Variants in BNIP2 observed in about 807,000 individuals in gnomAD.
BNIP2 encodes the protein BCL2/adenovirus E1B 19 kDa protein-interacting protein 2.
A neutral mutation model predicts 43.4 loss-of-function variants in BNIP2; 36 were observed. The observed-to-expected ratio is 0.83, with a 90% confidence interval of 0.64 to 1.10. The LOEUF (loss-of-function observed/expected upper bound fraction) is 1.10, where lower values mean the gene tolerates loss of function less well. Ranked by LOEUF, BNIP2 falls within the 50% of genes least tolerant of loss-of-function variation. The pLI is 0.00. For missense variants in BNIP2, 417 were observed against 374.1 expected, an observed-to-expected ratio of 1.11 and a Z score of -0.95; for synonymous variants, 146 against 121.0, an observed-to-expected ratio of 1.21 and a Z score of -1.35.
chr15:59,677,270 G>C, intron 5 of BNIP2: 1 of 1,594,226 alleles, frequency 6.3e-7, no homozygotes, highest in Non-Finnish European at 8.6e-7. Context: ...AAGTATACAG[G>C]AGCTGCCAGG....
intron 5 of BNIP2, chr15:59,677,310 A>G: frequency 6.3e-7 from 1 of 1,575,420 alleles, no homozygotes; most frequent in East Asian, 2.3e-5. Flanking sequence ...AGCCACATCA[A>G]CAAGCCCATG....
At position 59,660,955 on chromosome 15, in the gene BNIP2, A is replaced by G. The variant is rs558314161; in HGVS notation, c.*3114T>C. The stretch of plus-strand genomic sequence containing the variant: ...TTTCCCCCTTCAATCCACAGTCTTT[A>G]TTCACATACCTTGCGTATAGCCTGC... On this transcript the variant is annotated 3_prime_UTR_variant, in exon 10 of 10. Coordinates refer to ENST00000607373, the MANE Select transcript of BNIP2 (RefSeq NM_004330.4). The G allele has an allele frequency of 2.6e-5, 4 of 152,322 alleles. No homozygotes were observed. The South Asian group carries it at 8.3e-4, about 32-fold the overall frequency. The allele number at this position is 152,322 out of a possible 1,614,324, so 9.4% of individuals were successfully genotyped here.
intron 5 of BNIP2, among the ~76,000 whole-genome samples, chr15:59,673,543 T>C (rs1893071355): frequency 6.6e-6 from 1 of 152,174 alleles, no homozygotes; most frequent in African/African-American, 2.4e-5. Context: ...TCCCACCTCA[T>C]AGCCTCCAGA....
At position 59,680,232 on chromosome 15, in the gene BNIP2, A is replaced by G; in HGVS notation, c.118+9T>C. On this transcript the variant is annotated intron_variant, in intron 3 of 9. Transcript: ENST00000607373. ...ATAATTTCAATGAAAGTAAGTGTCA[A>G]GCTCTTACCAGGCTGGTCCTCTGGT... 1 of 1,562,154 alleles carries G rather than the reference A, an allele frequency of 6.4e-7. No individual in the cohort carries two copies. Among genetic ancestry groups the G allele is most frequent in the African/African-American group, 1.4e-5 (1 of 73,674 alleles).
At chr15:59,688,671 T>A (rs775642194) in intron 1 of BNIP2, 1 of 1,520,890 alleles carries the variant, frequency 6.6e-7, no homozygotes, top group Non-Finnish European at 8.8e-7. Flanking sequence ...AGGGAAGATC[T>A]ATTAAAGCCC....
At chr15:59,688,463 T>G (rs182139197) in intron 1 of BNIP2, 31 of 392,802 alleles carry the variant, frequency 7.9e-5, no homozygotes, top group Admixed American at 1.7e-4. Flanking sequence ...GGAGGCACCG[T>G]AACTATCTTG....
At chr15:59,678,252 A>G (rs1216934539) in intron 4 of BNIP2, 165 bp from the exon 5 acceptor site, 55 of 1,362,882 alleles carry the variant, frequency 4.0e-5, no homozygotes, top group Non-Finnish European at 4.9e-5. Context: ...TCTTAACATG[A>G]GGCTGTTTTA....
At chr15:59,688,810 AC>A (rs1170344495) in intron 1 of BNIP2, 2 of 1,528,194 alleles carry the variant, frequency 1.3e-6, no homozygotes, top group African/African-American at 2.8e-5. Flanking sequence ...CAGCCACTTC[AC>A]CCACACCAGG....
intron 6 of BNIP2, 134 bp from the exon 7 acceptor site, chr15:59,671,448 T>C (rs549060124): frequency 1.6e-6 from 1 of 623,396 alleles, no homozygotes; most frequent in Admixed American, 3.4e-5. Flanking sequence ...TCAAACCGCA[T>C]TAGCTAGTAT....
At chr15:59,672,376 T>C in intron 6 of BNIP2, 1 of 277,690 alleles carries the variant, frequency 3.6e-6, no homozygotes, top group Non-Finnish European at 6.8e-6. Context: ...TGGGCTCAGG[T>C]GATACTTCCA....
intron 5 of BNIP2, chr15:59,677,309 A>T: frequency 6.3e-7 from 1 of 1,576,332 alleles, no homozygotes; most frequent in Non-Finnish European, 8.6e-7. Flanking sequence ...AAGCCACATC[A>T]ACAAGCCCAT....
chr15:59,676,020 T>C (rs1288867652), intron 5 of BNIP2, among the ~76,000 whole-genome samples: 1 of 152,124 alleles, frequency 6.6e-6, no homozygotes, highest in Non-Finnish European at 1.5e-5. Context: ...TTTTTAGGGG[T>C]ATGGGTTTTA....
Position 59,677,984 on chromosome 15 carries a change from G to A in BNIP2, c.399C>T (p.Phe133=). 3.1e-6 allele frequency: 5 copies of A among 1,613,924 alleles called. No homozygotes were observed. Among genetic ancestry groups the A allele is most frequent in the Non-Finnish European group, 4.2e-6 (5 of 1,179,864 alleles). ...CCCTGTGGTCCTGTTCTCCAATCCT[G>A]AACATACGCCAGCGTCGTCCATCTT... The part of the protein sequence containing the change: ...EKEDGRRWRM[F]RIGEQDHRVD... Residue 133 remains phenylalanine (F), a synonymous_variant, in exon 5 of 10, where the codon TTC becomes TTT. Coordinates refer to ENST00000607373, the MANE Select transcript of BNIP2 (RefSeq NM_004330.4).
At position 59,671,318 on chromosome 15, in the gene BNIP2, T is replaced by TA; in HGVS notation, c.576-5dup. On this transcript the variant is annotated splice_polypyrimidine_tract_variant and splice_region_variant and intron_variant, in intron 6 of 9. Coordinates refer to ENST00000607373, the MANE Select transcript of BNIP2 (RefSeq NM_004330.4). ...CTCCAAAGTGCCAATAACATATCTG[T>TA]AAAAAACAAATTAAGTTTAAGCCTT... 2 of 1,579,844 alleles carry TA rather than the reference T, an allele frequency of 1.3e-6. No homozygotes were observed. Among genetic ancestry groups the TA allele is most frequent in the South Asian group, 1.2e-5 (1 of 86,920 alleles).
intron 2 of BNIP2, among the ~76,000 whole-genome samples, chr15:59,681,596 G>A (rs1220660454): frequency 1.4e-4 from 22 of 151,982 alleles, no homozygotes; most frequent in Non-Finnish European, 4.4e-5. Flanking sequence ...CTACAGGCGA[G>A]CGCCAAGCCT....
In BNIP2 at chr15:59,689,229, G is replaced by GAC; in HGVS notation, c.-153_-152insGT. The GAC allele has an allele frequency of 6.5e-7, 1 of 1,541,584 alleles. No homozygotes were observed. The highest frequency in any genetic ancestry group is 8.7e-7 in the Non-Finnish European group (1 of 1,146,268). On this transcript the variant is annotated 5_prime_UTR_variant, in exon 1 of 10. Transcript: ENST00000607373. ...GTCGCAAAAAGCAGGGCCGAGCGGAGCCCGCTCCCCTCGGTCGGCGGTGGA... is the reference window on the plus strand; with the variant it reads ...GTCGCAAAAAGCAGGGCCGAGCGGAGACCCCGCTCCCCTCGGTCGGCGGTGGA...
At chr15:59,682,535 A>G (rs1479690350) in intron 1 of BNIP2, 21 bp from the exon 2 acceptor site, 8 of 1,569,354 alleles carry the variant, frequency 5.1e-6, no homozygotes, top group Middle Eastern at 3.4e-4. Flanking sequence ...AGAAAAATGT[A>G]TAACTTAATT....
chr15:59,683,290 T>C (rs894051183), intron 1 of BNIP2, among the ~76,000 whole-genome samples: 12 of 152,066 alleles, frequency 7.9e-5, no homozygotes, highest in Non-Finnish European at 1.0e-4. Flanking sequence ...GAGTAAGAAA[T>C]AGAAGTTGAG....
intron 5 of BNIP2, chr15:59,676,767 A>C: frequency 6.8e-7 from 1 of 1,475,866 alleles, no homozygotes; most frequent in Non-Finnish European, 9.2e-7. Flanking sequence ...ATGGAGGATG[A>C]GCGGAGCTTT....
Sources: gnomAD v4.1 joint callset for allele counts (sites outside exome capture counted in the v4.1 genomes callset) on GRCh38, gnomAD v4.1.1 for gene constraint, MANE v1.5 for transcripts, NCBI Gene and HGNC (gene_info 2026-07-23, HGNC 2026-07-21) for gene names.